Variants in DCAF8 observed in about 807,000 individuals in gnomAD.
DCAF8 encodes the protein DDB1- and CUL4-associated factor 8.
In DCAF8, 20 loss-of-function variants were observed where a neutral mutation model predicts 68.0. The ratio of observed to expected loss-of-function variants is 0.29; its 90% CI spans 0.21 to 0.43. The LOEUF (loss-of-function observed/expected upper bound fraction) is 0.43, where lower values mean the gene tolerates loss of function less well. Ranked by LOEUF, DCAF8 falls within the 20% of genes least tolerant of loss-of-function variation. The probability of loss-of-function intolerance (pLI) is 1.00; values close to 1 mark genes in which losing one functional copy is unlikely to be tolerated. For missense variants in DCAF8, 460 were observed against 771.0 expected, an observed-to-expected ratio of 0.60 and a Z score of 4.78; for synonymous variants, 230 against 276.9, an observed-to-expected ratio of 0.83 and a Z score of 1.68.
intron 6 of DCAF8, among the ~76,000 whole-genome samples, chr1:160,235,207 C>A (rs975967056): frequency 2.0e-5 from 3 of 151,840 alleles, no homozygotes; most frequent in Non-Finnish European, 4.4e-5. Flanking sequence ...GATCTCAGCT[C>A]ACTGCAACCT....
At chr1:160,257,784 G>A (rs544596951) in intron 2 of DCAF8, among the ~76,000 whole-genome samples, 14 of 152,242 alleles carry the variant, frequency 9.2e-5, no homozygotes, top group African/African-American at 2.6e-4. Flanking sequence ...CAATCTCAGC[G>A]CACTGCAGTG....
intron 3 of DCAF8, among the ~76,000 whole-genome samples, chr1:160,241,107 G>A (rs990110146): frequency 6.6e-6 from 1 of 152,096 alleles, no homozygotes; most frequent in Non-Finnish European, 1.5e-5. Context: ...AGCCAAAGTC[G>A]CACCACTGCA....
rs1488263272 is a variant in DCAF8, at chr1:160,217,225, TCC to T, written c.*365_*366del. 5.8e-6 allele frequency: 1 copy of T among 173,476 alleles called. No homozygotes were observed. The highest frequency in any genetic ancestry group is 6.3e-5 in the Admixed American group (1 of 15,780). 10.7% of individuals were successfully genotyped at this position (173,476 alleles called of 1,614,324 possible). On this transcript the variant is annotated 3_prime_UTR_variant, in exon 14 of 14. Transcript: ENST00000368074. ...CCCTTGGTACTGAATAGCCAGTTGT[TCC>T]CCCCACCCCTCCCCCAGCCCAAGAA... is the stretch of plus-strand genomic sequence containing the variant.
chr1:160,260,172 T>C (rs1392378413), intron 2 of DCAF8, among the ~76,000 whole-genome samples: 2 of 152,128 alleles, frequency 1.3e-5, no homozygotes, highest in Non-Finnish European at 2.9e-5. Context: ...TTCCCTATAA[T>C]ACTAACAATG....
chr1:160,241,314 C>T (rs574260881), intron 3 of DCAF8, among the ~76,000 whole-genome samples: 1 of 152,280 alleles, frequency 6.6e-6, no homozygotes, highest in East Asian at 1.9e-4. Context: ...TATATTTTGA[C>T]TTACTTCCAT....
At position 160,224,564 on chromosome 1, in the gene DCAF8, A is replaced by G. The variant is rs751991038; in HGVS notation, c.1202-15T>C. 3.7e-6 allele frequency: 6 copies of G among 1,603,072 alleles called. No homozygotes were observed. The South Asian group carries it at 6.6e-5, about 18-fold the overall frequency. Reference sequence around the variant, plus strand: ...GGCCAGGAGCTCTGCCAAGAACAAGAACATAGCAGTGAAGGCAAAGGCTGA... The same window carrying G: ...GGCCAGGAGCTCTGCCAAGAACAAGGACATAGCAGTGAAGGCAAAGGCTGA... On this transcript the variant is annotated splice_polypyrimidine_tract_variant and intron_variant, in intron 9 of 13. Transcript: ENST00000368074.
At chr1:160,260,752 T>C (rs74125550) in intron 2 of DCAF8, among the ~76,000 whole-genome samples, 2,387 of 151,058 alleles carry the variant, frequency 0.016, 63 homozygotes, top group African/African-American at 0.049. Flanking sequence ...TCCCACTATA[T>C]CCTAAAAAGT....
chr1:160,260,695 C>T (rs1031296844), intron 2 of DCAF8, among the ~76,000 whole-genome samples: 1 of 151,406 alleles, frequency 6.6e-6, no homozygotes, highest in Non-Finnish European at 1.5e-5. Flanking sequence ...AGACCAGCTA[C>T]AAAAGAAAGA....
intron 2 of DCAF8, among the ~76,000 whole-genome samples, chr1:160,258,976 T>G (rs961719051): frequency 1.3e-5 from 2 of 152,106 alleles, no homozygotes; most frequent in Non-Finnish European, 2.9e-5. Context: ...ATGATACAAA[T>G]GCAATCTCAA....
chr1:160,218,877 G>A lies in DCAF8; in HGVS notation c.1532C>T (p.Ala511Val), dbSNP rs1655208567. 6.2e-7 allele frequency: 1 copy of A among 1,614,226 alleles called. No homozygotes were observed. ...TTTTAACCCTGTCAGCTCAGTGGAAGCTTCAGCTGTGGGTGCCCAGATCTT... is the reference window on the plus strand; with the variant it reads ...TTTTAACCCTGTCAGCTCAGTGGAAACTTCAGCTGTGGGTGCCCAGATCTT... Reference protein sequence around the residue: ...DVKIWAPTAEASTELTGLKDV... With the variant: ...DVKIWAPTAEVSTELTGLKDV... The change falls in exon 12 of 14, where the codon GCT becomes GTT. Residue 511 changes from alanine (A) to valine (V), a missense_variant. Physicochemically the swap from Ala to Val is moderately conservative, Grantham distance 64. This residue lies in a region of DCAF8 where 4 missense variants were observed against 26.5 expected (regional missense o/e 0.15). Transcript: ENST00000368074.
chr1:160,238,874 C>A, intron 4 of DCAF8, 127 bp from the exon 5 acceptor site: 1 of 1,105,450 alleles, frequency 9.0e-7, no homozygotes, highest in South Asian at 1.7e-5. Context: ...ACTTAGCTTT[C>A]CTACTCTTGT....
intron 6 of DCAF8, 138 bp downstream of exon 6, chr1:160,236,997 C>T: frequency 1.8e-6 from 1 of 549,998 alleles, no homozygotes; most frequent in Non-Finnish European, 3.2e-6. Context: ...AAGGAATTCC[C>T]CTTAACCTTA....
At chr1:160,231,529 A>C in intron 6 of DCAF8, 122 bp from the exon 7 acceptor site, 1 of 691,016 alleles carries the variant, frequency 1.4e-6, no homozygotes. Flanking sequence ...TTTGGAAAGA[A>C]AGAATTGTTG....
In DCAF8 at chr1:160,222,683, T is replaced by C. The variant is rs144537625; in HGVS notation, c.1408A>G (p.Ile470Val). 1.5e-4 allele frequency: 249 copies of C among 1,614,124 alleles called. 1 individual carries two copies. In the African/African-American group the frequency reaches 2.2e-3, roughly 14 times the overall value. The change falls in exon 11 of 14, where the codon ATT becomes GTT. Residue 470 changes from isoleucine to valine, a missense_variant. By Grantham distance (29) the Ile-to-Val change is conservative (BLOSUM62 3). Transcript: ENST00000368074. ...FLWEKSSCQI[I>V]QFMEGDKGGV... ...CCCTTGTCCCCCTCCATGAACTGAA[T>C]AATCTGGCAGGATGATTTCTCCCAG...
intron 2 of DCAF8, among the ~76,000 whole-genome samples, chr1:160,249,910 T>C (rs1179932114): frequency 2.0e-5 from 3 of 152,182 alleles, no homozygotes; most frequent in African/African-American, 4.8e-5. Flanking sequence ...ATACAATATA[T>C]GATTCCACTT....
At chr1:160,229,277 C>T (rs1398051289) in intron 7 of DCAF8, among the ~76,000 whole-genome samples, 2 of 151,602 alleles carry the variant, frequency 1.3e-5, no homozygotes, top group Admixed American at 1.3e-4. Context: ...GCCTGGGCAA[C>T]AAAGTGAGAC....
At chr1:160,225,843 C>T (rs1266481181) in intron 7 of DCAF8, among the ~76,000 whole-genome samples, 180 bp from the exon 8 acceptor site, 2 of 152,034 alleles carry the variant, frequency 1.3e-5, no homozygotes, top group Non-Finnish European at 2.9e-5. Flanking sequence ...TTTCCAAACC[C>T]TAAATCTTTT....
rs756929378 is a variant in DCAF8, at chr1:160,243,977, C to G, written c.32G>C (p.Arg11Thr). The G allele has an allele frequency of 1.1e-5, 18 of 1,614,158 alleles. No individual in the cohort carries two copies. Among genetic ancestry groups the G allele is most frequent in the Non-Finnish European group, 1.4e-5 (16 of 1,180,016 alleles). Reference sequence around the variant, plus strand: ...CCCCTTACCATTAGCTAAGTCTGTTCTGCCATCTGTGCTGCTCCCTTTGCT... The same window carrying G: ...CCCCTTACCATTAGCTAAGTCTGTTGTGCCATCTGTGCTGCTCCCTTTGCT... MSSKGSSTDG[R>T]TDLANGSLSS... The change falls in exon 3 of 14, where the codon AGA (arginine) becomes ACA (threonine). Residue 11 changes from arginine (R) to threonine (T), a missense_variant. Physicochemically the swap from Arg to Thr is moderately conservative, Grantham distance 71. Transcript: ENST00000368074.
intron 2 of DCAF8, among the ~76,000 whole-genome samples, chr1:160,248,112 C>T (rs574193568): frequency 1.2e-4 from 18 of 152,074 alleles, no homozygotes; most frequent in Admixed American, 2.6e-4. Context: ...TCGAGATCAG[C>T]CTGGCCAACA....
Sources: gnomAD v4.1 joint callset for allele counts (sites outside exome capture counted in the v4.1 genomes callset) on GRCh38, gnomAD v4.1.1 for gene constraint, gnomAD v4.1.1 regional missense constraint, MANE v1.5 for transcripts, NCBI Gene and HGNC (gene_info 2026-07-23, HGNC 2026-07-21) for gene names.